Variants in FAM83E observed in about 807,000 individuals in gnomAD.
FAM83E encodes protein FAM83E.
A neutral mutation model predicts 34.3 loss-of-function variants in FAM83E; 29 were observed. That is an observed-to-expected ratio of 0.85 (90% CI 0.63 to 1.15). The LOEUF (loss-of-function observed/expected upper bound fraction) is 1.15, where lower values mean the gene tolerates loss of function less well. Among genes scored for constraint, FAM83E ranks in the 50% most tolerant of loss-of-function variants. FAM83E has a pLI of 0.00. For missense variants in FAM83E, 697 were observed against 685.0 expected (o/e 1.02, Z -0.20); for synonymous variants, 312 against 311.6 (o/e 1.00, Z -0.01).
rs1468069843 is a variant in FAM83E at position 48,613,686 on chromosome 19, G to A, written c.-314C>T. 1 of 1,240,060 alleles carries A rather than the reference G, an allele frequency of 8.1e-7. No homozygotes were observed. The highest frequency in any genetic ancestry group is 3.9e-5 in the Admixed American group (1 of 25,384). The allele number at this position is 1,240,060 out of a possible 1,614,324, so 76.8% of individuals were successfully genotyped here. On this transcript the variant is annotated 5_prime_UTR_variant, in exon 3 of 7. Coordinates refer to ENST00000263266, the MANE Select transcript of FAM83E (RefSeq NM_017708.4). ...ACCTTCCTGCCAGCCGTCTCTGCTG[G>A]TCAGGTTGACCTCCTGACACCATCC...
intron 6 of FAM83E, among the ~76,000 whole-genome samples, chr19:48,602,703 AAATATATATATATATAT>A (rs1480734199): frequency 1.8e-4 from 8 of 44,842 alleles, no homozygotes; most frequent in African/African-American, 8.4e-4. Flanking sequence ...AAAAAAAAAA[AAATATATATATATATAT>A]ATATATATAT....
In FAM83E at chr19:48,613,302, C is replaced by T; in HGVS notation, c.71G>A (p.Gly24Asp). 2 of 1,603,444 alleles carry T rather than the reference C, an allele frequency of 1.2e-6. No homozygotes were observed. Among genetic ancestry groups the T allele is most frequent in the Admixed American group, 1.7e-5 (1 of 59,280 alleles). The change falls in exon 3 of 7, where the codon GGC becomes GAC. Residue 24 changes from glycine (G) to aspartate (D), a missense_variant. Physicochemically the swap from Gly to Asp is moderately conservative, Grantham distance 94. Coordinates refer to ENST00000263266, the MANE Select transcript of FAM83E (RefSeq NM_017708.4). ...SGPRVPGASP[G>D]FLYSEGQRLA... ...CCGCTGGCCCTCGGAATATAGAAAG[C>T]CGGGGCTGGCCCCGGGCACCCTGGG...
In FAM83E at chr19:48,603,693, G is replaced by A. The variant is rs887845430; in HGVS notation, c.977C>T (p.Pro326Leu). ...RRRSVAPASPPPPDGPLAHRL... is the reference protein window; with the variant it reads ...RRRSVAPASPLPPDGPLAHRL... ...GTGGGCCAGCGGGCCGTCAGGCGGC[G>A]GAGGCGACGCGGGGGCCACGGAGCG... Residue 326 changes from proline to leucine, a missense_variant, in exon 6 of 7, where the codon CCG (proline) becomes CTG (leucine). Coordinates refer to ENST00000263266, the MANE Select transcript of FAM83E (RefSeq NM_017708.4). 34 of 1,327,808 alleles carry A rather than the reference G, an allele frequency of 2.6e-5. No individual in the cohort carries two copies. Among genetic ancestry groups the A allele is most frequent in the African/African-American group, 2.0e-4 (13 of 64,178 alleles). The allele number at this position is 1,327,808 out of a possible 1,614,324, so 82.3% of individuals were successfully genotyped here.
rs370573825 is a variant in FAM83E, at chr19:48,601,315, G to A, written c.1231C>T (p.Arg411Trp). The A allele has an allele frequency of 3.7e-5, 58 of 1,568,494 alleles. No homozygotes were observed. In the Admixed American group the frequency reaches 4.7e-4, roughly 13 times the overall value. ...CCCCAGGGGCCTCCTCCAGTGCCCC[G>A]CTGCCTCATCAGAGCCTTGGCTGGA... Reference protein sequence around the residue: ...DTPAKALMRQRGTGGGPWGEV... With the variant: ...DTPAKALMRQWGTGGGPWGEV... Residue 411 changes from arginine (R) to tryptophan (W), a missense_variant, in exon 7 of 7, where the codon CGG becomes TGG. By Grantham distance (101) the Arg-to-Trp change is moderately radical (BLOSUM62 -3). Coordinates refer to ENST00000263266, the MANE Select transcript of FAM83E (RefSeq NM_017708.4).
In FAM83E at chr19:48,601,225, A is replaced by C. The variant is rs1034727773; in HGVS notation, c.1321T>G (p.Tyr441Asp). The C allele has an allele frequency of 3.1e-6, 5 of 1,609,454 alleles. No homozygotes were observed. In the Admixed American group the frequency reaches 6.7e-5, roughly 22 times the overall value. ...AACCGCCTTCGGGCTGGGGACAGAT[A>C]GCGGAGGCGGTGGGCGGGGGGCAGG... Reference protein sequence around the residue: ...LPLPPAHRLRYLSPARRRFGG... With the variant: ...LPLPPAHRLRDLSPARRRFGG... Residue 441 changes from tyrosine to aspartate, a missense_variant, in exon 7 of 7, where the codon TAT (tyrosine) becomes GAT (aspartate). Physicochemically the swap from Tyr to Asp is radical, Grantham distance 160. Coordinates refer to ENST00000263266, the MANE Select transcript of FAM83E (RefSeq NM_017708.4).
intron 5 of FAM83E, chr19:48,606,626 G>A (rs947136164): frequency 1.1e-5 from 3 of 280,726 alleles, no homozygotes; most frequent in Admixed American, 9.1e-5. Context: ...GCCCTCTTGC[G>A]CCCCGGCAGG....
intron 6 of FAM83E, among the ~76,000 whole-genome samples, chr19:48,602,423 G>C (rs980127567): frequency 2.0e-5 from 3 of 151,186 alleles, no homozygotes; most frequent in African/African-American, 4.9e-5. Flanking sequence ...GGGCAAACCT[G>C]GGACCCCCTA....
chr19:48,610,922 C>T, intron 3 of FAM83E, 75 bp from the exon 4 acceptor site: 3 of 1,456,684 alleles, frequency 2.1e-6, no homozygotes, highest in Non-Finnish European at 2.8e-6. Flanking sequence ...TGTGGGAAAC[C>T]TGACATCTGG....
At chr19:48,610,582 T>C (rs747236320) in intron 4 of FAM83E, 98 bp downstream of exon 4, 30 of 1,350,354 alleles carry the variant, frequency 2.2e-5, no homozygotes, top group Non-Finnish European at 2.9e-5. Context: ...CCTGCTAGCA[T>C]CCATCTCAAT....
Position 48,613,693 on chromosome 19 carries a change from T to G in FAM83E, c.-321A>C. Reference sequence around the variant, plus strand: ...TGCCAGCCGTCTCTGCTGGTCAGGTTGACCTCCTGACACCATCCCCAACTG... The same window carrying G: ...TGCCAGCCGTCTCTGCTGGTCAGGTGGACCTCCTGACACCATCCCCAACTG... On this transcript the variant is annotated 5_prime_UTR_variant, in exon 3 of 7. Transcript: ENST00000263266. 1 of 1,222,282 alleles carries G rather than the reference T, an allele frequency of 8.2e-7. No individual in the cohort carries two copies. The highest frequency in any genetic ancestry group is 1.0e-6 in the Non-Finnish European group (1 of 973,978). 75.7% of individuals were successfully genotyped at this position (1,222,282 alleles called of 1,614,324 possible).
At chr19:48,610,213 A>G (rs966572176) in intron 4 of FAM83E, among the ~76,000 whole-genome samples, 3 of 152,130 alleles carry the variant, frequency 2.0e-5, no homozygotes, top group African/African-American at 7.2e-5. Context: ...AGCCTGGCCA[A>G]CATGGCGAAA....
chr19:48,600,233 C>T lies in FAM83E; in HGVS notation c.*876G>A, dbSNP rs1973788785. 6.6e-6 allele frequency among the ~76,000 whole-genome samples: 1 copy of T among 152,222 alleles called. No individual in the cohort carries two copies. Among genetic ancestry groups the T allele is most frequent in the South Asian group, 2.1e-4 (1 of 4,834 alleles). The stretch of plus-strand genomic sequence containing the variant: ...CCCCTCATCAGGAAGGCCTGACCCT[C>T]GGGAGCTGTGTGTGTCTTCTTTAGG... On this transcript the variant is annotated 3_prime_UTR_variant, in exon 7 of 7. Transcript: ENST00000263266.
chr19:48,609,290 T>G (rs1372217603), intron 5 of FAM83E, among the ~76,000 whole-genome samples: 1 of 136,786 alleles, frequency 7.3e-6, no homozygotes, highest in Non-Finnish European at 1.6e-5. Flanking sequence ...TTTTTTTTGC[T>G]TTTTTGAGAT....
chr19:48,613,670 C>A lies in FAM83E; in HGVS notation c.-298G>T. On this transcript the variant is annotated 5_prime_UTR_variant, in exon 3 of 7. Coordinates refer to ENST00000263266, the MANE Select transcript of FAM83E (RefSeq NM_017708.4). ...TGGCTGGCCTTCCGTGACCTTCCTG[C>A]CAGCCGTCTCTGCTGGTCAGGTTGA... 2 of 1,269,644 alleles carry A rather than the reference C, an allele frequency of 1.6e-6. No individual in the cohort carries two copies. Among genetic ancestry groups the A allele is most frequent in the Non-Finnish European group, 2.0e-6 (2 of 1,003,198 alleles). The allele number at this position is 1,269,644 out of a possible 1,614,324, so 78.6% of individuals were successfully genotyped here. A position where few individuals can be genotyped will look rare whatever the true frequency, so the allele number is the denominator to read the frequency against.
At chr19:48,607,876 C>T (rs1374341427) in intron 5 of FAM83E, among the ~76,000 whole-genome samples, 1 of 149,762 alleles carries the variant, frequency 6.7e-6, no homozygotes, top group Admixed American at 6.6e-5. Flanking sequence ...TGAGCCACGG[C>T]ACCTGGCCAA....
chr19:48,601,793 T>G (rs1601120989), intron 6 of FAM83E, among the ~76,000 whole-genome samples: 1 of 136,180 alleles, frequency 7.3e-6, no homozygotes. Context: ...TGATAGAGGA[T>G]TTGAGGGAGG....
rs762386194 is a variant in FAM83E, at chr19:48,613,353, G to A, written c.20C>T (p.Ala7Val). The change falls in exon 3 of 7, where the codon GCG becomes GTG. Residue 7 changes from alanine (A) to valine (V), a missense_variant. Physicochemically the swap from Ala to Val is moderately conservative, Grantham distance 64. Coordinates refer to ENST00000263266, the MANE Select transcript of FAM83E (RefSeq NM_017708.4). Reference sequence around the variant, plus strand: ...ACCGGAGTCCACTCCTTCCAGCGCCGCCAGCTGGGAGGCCGCCATCGGGGT... The same window carrying A: ...ACCGGAGTCCACTCCTTCCAGCGCCACCAGCTGGGAGGCCGCCATCGGGGT... MAASQL[A>V]ALEGVDSGPR... 98 of 1,568,872 alleles carry A rather than the reference G, an allele frequency of 6.2e-5. No individual in the cohort carries two copies. The highest frequency in any genetic ancestry group is 7.6e-5 in the Non-Finnish European group (88 of 1,157,800).
At position 48,615,069 on chromosome 19, in the gene FAM83E, C is replaced by T. The variant is rs1487178269; in HGVS notation, c.-1520G>A. 6.6e-6 allele frequency among the ~76,000 whole-genome samples: 1 copy of T among 152,122 alleles called. No individual in the cohort carries two copies. The highest frequency in any genetic ancestry group is 2.4e-5 in the African/African-American group (1 of 41,438). ...CTGCCAGCCTGCACCCTGCACTTCC[C>T]GGTCCACGCCCCACCCGCCATCCCA... On this transcript the variant is annotated 5_prime_UTR_variant, in exon 1 of 7. Transcript: ENST00000263266.
rs1009801269 is a variant in FAM83E at position 48,613,935 on chromosome 19, A to C, written c.-563T>G. ...CTGCCCCCGGCCAAGAGCACGACGA[A>C]CTGACCCTCTCCTTCCACTGTCTGG... is the stretch of plus-strand genomic sequence containing the variant. On this transcript the variant is annotated 5_prime_UTR_variant, in exon 3 of 7. Coordinates refer to ENST00000263266, the MANE Select transcript of FAM83E (RefSeq NM_017708.4). 1 of 985,288 alleles carries C rather than the reference A, an allele frequency of 1.0e-6. No homozygotes were observed. Among genetic ancestry groups the C allele is most frequent in the African/African-American group, 1.7e-5 (1 of 57,226 alleles). The allele number at this position is 985,288 out of a possible 1,614,324, so 61.0% of individuals were successfully genotyped here.
Sources: allele counts gnomAD v4.1 joint callset (sites outside exome capture counted in the v4.1 genomes callset), GRCh38; gene constraint gnomAD v4.1.1; transcripts MANE v1.5; gene names NCBI Gene and HGNC (gene_info 2026-07-23, HGNC 2026-07-21).